Variants in EYS observed in about 807,000 individuals in gnomAD.
EYS encodes protein eyes shut homolog.
EYS carries 250 observed loss-of-function variants against 282.1 expected under a neutral mutation model. The observed-to-expected ratio is 0.89, with a 90% CI of 0.80 to 0.98. EYS has a LOEUF of 0.98. EYS is among the 50% of genes least tolerant of loss of function. EYS has a pLI of 0.00. For synonymous variants in EYS, 1,355 were observed against 1,282.9 expected, an observed-to-expected ratio of 1.06 and a Z score of -1.20; for missense variants, 4,016 against 3,709.0, an observed-to-expected ratio of 1.08 and a Z score of -2.15.
intron 5 of EYS, among the ~76,000 whole-genome samples, chr6:65,464,869 T>G (rs1300867268): frequency 6.6e-6 from 1 of 152,168 alleles, no homozygotes; most frequent in Admixed American, 6.6e-5. Context: ...GAGAAATTTA[T>G]TTTGCCATTA....
intron 26 of EYS, among the ~76,000 whole-genome samples, chr6:64,573,746 G>T (rs1582909725): frequency 6.6e-6 from 1 of 152,170 alleles, no homozygotes; most frequent in East Asian, 1.9e-4. Flanking sequence ...ACGCCAGTTA[G>T]AATGGCGATC....
intron 35 of EYS, among the ~76,000 whole-genome samples, chr6:63,939,619 G>A (rs915273981): frequency 6.6e-6 from 1 of 151,708 alleles, no homozygotes; most frequent in Non-Finnish European, 1.5e-5. Flanking sequence ...ACTTATATAT[G>A]GATTTTCTTC....
chr6:64,372,900 T>G (rs2150414961), intron 29 of EYS, among the ~76,000 whole-genome samples: 1 of 152,312 alleles, frequency 6.6e-6, no homozygotes, highest in East Asian at 1.9e-4. Context: ...TCTAGTGTGT[T>G]TTTCTTCTCC....
chr6:64,839,080 C>T (rs1176312963), intron 19 of EYS, among the ~76,000 whole-genome samples: 1 of 151,956 alleles, frequency 6.6e-6, no homozygotes, highest in African/African-American at 2.4e-5. Flanking sequence ...TGTCATTATT[C>T]TTGATGATTA....
Position 65,206,484 on chromosome 6 carries a change from G to A in EYS, c.2023+89379C>T, listed in dbSNP as rs567229044. Among the ~76,000 whole-genome samples, 338 of 151,722 alleles carry A rather than the reference G, an allele frequency of 2.2e-3. 1 individual carries two copies. Among genetic ancestry groups the A allele is most frequent in the Non-Finnish European group, 3.7e-3 (253 of 67,698 alleles). ...AACAAGAGCTGCTACCAATCTTACT[G>A]CAACTATTCCAAAAATTTGGGAAGG... On this transcript the variant is annotated intron_variant, in intron 12 of 42. Coordinates refer to ENST00000503581, the MANE Select transcript of EYS (RefSeq NM_001142800.2).
intron 12 of EYS, among the ~76,000 whole-genome samples, chr6:65,220,681 A>G (rs1036023439): frequency 2.6e-5 from 4 of 152,160 alleles, no homozygotes; most frequent in Admixed American, 2.6e-4. Flanking sequence ...AAAGATACCC[A>G]AAAATATGGA....
At chr6:64,723,008 C>A (rs1228653827) in intron 22 of EYS, among the ~76,000 whole-genome samples, 3 of 151,760 alleles carry the variant, frequency 2.0e-5, no homozygotes, top group Admixed American at 6.6e-5. Flanking sequence ...AGCAGCAACC[C>A]CTTATGTTAA....
chr6:65,143,339 G>A (rs1764396183), intron 12 of EYS, among the ~76,000 whole-genome samples: 1 of 151,350 alleles, frequency 6.6e-6, no homozygotes, highest in African/African-American at 2.4e-5. Context: ...TCTAATTTGT[G>A]GTGGAAAAGA....
chr6:64,424,455 G>T (rs1396111144), intron 28 of EYS, among the ~76,000 whole-genome samples: 1 of 152,158 alleles, frequency 6.6e-6, no homozygotes, highest in Admixed American at 6.5e-5. Flanking sequence ...AAAAATATTT[G>T]TGACTAAGTC....
At chr6:64,912,432 C>A in intron 16 of EYS, 52 bp downstream of exon 16, 2 of 1,501,882 alleles carry the variant, frequency 1.3e-6, no homozygotes, top group Non-Finnish European at 1.8e-6. Flanking sequence ...AATAAATACA[C>A]AAACTAATTA....
intron 1 of EYS, among the ~76,000 whole-genome samples, chr6:65,643,431 G>A (rs976504461): frequency 1.3e-5 from 2 of 152,122 alleles, no homozygotes; most frequent in African/African-American, 4.8e-5. Flanking sequence ...GCTACCACCC[G>A]GTGGTCTTTC....
intron 41 of EYS, among the ~76,000 whole-genome samples, chr6:63,731,799 C>T (rs1322032743): frequency 6.6e-6 from 1 of 152,156 alleles, no homozygotes; most frequent in South Asian, 2.1e-4. Context: ...ATTTGATACA[C>T]ACTTTTAGCA....
intron 4 of EYS, among the ~76,000 whole-genome samples, chr6:65,494,326 G>A (rs1025075334): frequency 1.1e-4 from 16 of 151,100 alleles, no homozygotes; most frequent in African/African-American, 2.7e-4. Flanking sequence ...TGCCCAGGCC[G>A]GACTGCAGTG....
intron 15 of EYS, among the ~76,000 whole-genome samples, chr6:64,918,860 T>G (rs1004351748): frequency 6.6e-6 from 1 of 152,200 alleles, no homozygotes; most frequent in Admixed American, 6.5e-5. Flanking sequence ...CTGTCCTGCA[T>G]GTATTGAAAA....
intron 15 of EYS, among the ~76,000 whole-genome samples, chr6:64,915,524 A>G (rs927409899): frequency 6.6e-6 from 1 of 152,130 alleles, no homozygotes; most frequent in Admixed American, 6.6e-5. Flanking sequence ...AGATTACATG[A>G]CATGATGAAT....
chr6:65,679,569 A>G (rs1768745907), intron 1 of EYS, among the ~76,000 whole-genome samples: 1 of 151,938 alleles, frequency 6.6e-6, no homozygotes, highest in Admixed American at 6.6e-5. Context: ...TTGTCTAATA[A>G]GTATAGAGTT....
intron 26 of EYS, among the ~76,000 whole-genome samples, chr6:64,458,835 G>A (rs933282918): frequency 1.1e-4 from 16 of 152,178 alleles, no homozygotes; most frequent in African/African-American, 3.9e-4. Context: ...AAGGTAATTT[G>A]TTCAAAATCA....
intron 35 of EYS, among the ~76,000 whole-genome samples, chr6:63,977,422 G>T (rs1170215697): frequency 6.6e-6 from 1 of 151,962 alleles, no homozygotes; most frequent in Non-Finnish European, 1.5e-5. Flanking sequence ...ACATGGAGAT[G>T]CTTCCTGATC....
At chr6:65,039,477 T>G (rs1772867928) in intron 13 of EYS, among the ~76,000 whole-genome samples, 1 of 151,492 alleles carries the variant, frequency 6.6e-6, no homozygotes, top group Admixed American at 6.6e-5. Flanking sequence ...TGTTTATACA[T>G]TTCTATATCT....
Sources: gnomAD v4.1 joint callset for allele counts (sites outside exome capture counted in the v4.1 genomes callset) on GRCh38, gnomAD v4.1.1 for gene constraint, MANE v1.5 for transcripts, NCBI Gene and HGNC (gene_info 2026-07-23, HGNC 2026-07-21) for gene names.